BICDL1: variants seen among roughly 807,000 people sequenced by gnomAD.
BICDL1 encodes the protein BICD family like cargo adaptor 1, also known as BICD family-like cargo adapter 1.
BICDL1 carries 20 observed loss-of-function variants against 76.8 expected under a neutral mutation model. That is an observed-to-expected ratio of 0.26 (90% CI 0.18 to 0.38). The LOEUF (loss-of-function observed/expected upper bound fraction) is 0.38. Ranked by LOEUF, BICDL1 falls within the 10% of genes least tolerant of loss-of-function variation. The pLI, the probability that BICDL1 is intolerant of heterozygous loss-of-function variation, is 1.00. For synonymous variants in BICDL1, 383 were observed against 337.1 expected (o/e 1.14, Z -1.49); for missense variants, 700 against 798.6 (o/e 0.88, Z 1.49).
At chr12:120,078,600 G>A (rs913894794) in intron 7 of BICDL1, among the ~76,000 whole-genome samples, 2 of 152,244 alleles carry the variant, frequency 1.3e-5, no homozygotes, top group South Asian at 2.1e-4. Context: ...AATCCTCAAC[G>A]ACAACTTAGT....
chr12:120,053,699 C>T (rs1207576469), intron 2 of BICDL1, among the ~76,000 whole-genome samples: 2 of 152,148 alleles, frequency 1.3e-5, no homozygotes, highest in Non-Finnish European at 2.9e-5. Context: ...GCCTTTTCTC[C>T]AAGGAGCCTT....
At chr12:119,994,165 A>G (rs1329084684) in intron 1 of BICDL1, among the ~76,000 whole-genome samples, 1 of 151,994 alleles carries the variant, frequency 6.6e-6, no homozygotes, top group Non-Finnish European at 1.5e-5. Context: ...CTCTTCCCTC[A>G]GTTATATTTT....
Position 120,013,614 on chromosome 12 carries a change from A to G in BICDL1, c.645+14878A>G, listed in dbSNP as rs535342432. ...GTAGCTGGGATTACAGGTGCCCGCC[A>G]CCACGCCTGGCTAATTTTTGTATTT... is the stretch of plus-strand genomic sequence containing the variant. On this transcript the variant is annotated intron_variant, in intron 2 of 9. Transcript: ENST00000548673. Among the ~76,000 whole-genome samples, 3 of 151,926 alleles carry G rather than the reference A, an allele frequency of 2.0e-5. 1 individual carries two copies. Among genetic ancestry groups the G allele is most frequent in the Non-Finnish European group, 4.4e-5 (3 of 67,990 alleles).
chr12:120,081,047 A>G (rs376080336), intron 8 of BICDL1, 30 bp downstream of exon 8: 8 of 1,606,156 alleles, frequency 5.0e-6, no homozygotes, highest in Non-Finnish European at 6.0e-6. Flanking sequence ...CTTTATTCTT[A>G]AGATAAAGTT....
intron 7 of BICDL1, among the ~76,000 whole-genome samples, chr12:120,080,135 TCA>T (rs1346921800): frequency 1.3e-5 from 2 of 152,220 alleles, no homozygotes; most frequent in Non-Finnish European, 2.9e-5. Flanking sequence ...CTTCCTGCCA[TCA>T]CACAGATCAT....
chr12:120,012,596 G>A (rs2138671883), intron 2 of BICDL1, among the ~76,000 whole-genome samples: 1 of 152,130 alleles, frequency 6.6e-6, no homozygotes. Flanking sequence ...TAACTATGAT[G>A]TCAGAGATGT....
At chr12:119,990,705 T>G (rs1489639228) in intron 1 of BICDL1, among the ~76,000 whole-genome samples, 1 of 152,196 alleles carries the variant, frequency 6.6e-6, no homozygotes, top group East Asian at 1.9e-4. Flanking sequence ...AGCCTTCCAG[T>G]TTGGGCGTTA....
intron 4 of BICDL1, among the ~76,000 whole-genome samples, chr12:120,070,859 G>A (rs1873040629): frequency 6.6e-6 from 1 of 150,432 alleles, no homozygotes; most frequent in Non-Finnish European, 1.5e-5. Context: ...AGCCTCCCGA[G>A]TAGCTGGGAT....
At chr12:120,088,886 A>T (rs150927424) in intron 8 of BICDL1, among the ~76,000 whole-genome samples, 1 of 150,496 alleles carries the variant, frequency 6.6e-6, no homozygotes, top group Non-Finnish European at 1.5e-5. Context: ...GGATGGTCTC[A>T]ATCTCCTGAC....
At chr12:120,040,542 A>G (rs1387504851) in intron 2 of BICDL1, among the ~76,000 whole-genome samples, 1 of 152,026 alleles carries the variant, frequency 6.6e-6, no homozygotes. Flanking sequence ...CAGCCTCCTG[A>G]GTAGCTGAGA....
In BICDL1 at chr12:120,064,852, G is replaced by T; in HGVS notation, c.882G>T (p.Glu294Asp). The T allele has an allele frequency of 6.2e-7, 1 of 1,612,852 alleles. No homozygotes were observed. The highest frequency in any genetic ancestry group is 1.7e-4 in the Middle Eastern group (1 of 6,026). ...EELQDRVLILERQGHDKDLQL... is the reference protein window; with the variant it reads ...EELQDRVLILDRQGHDKDLQL... ...TACAGGACCGGGTGCTAATCCTGGA[G>T]AGGCAGGGCCATGACAAGGACCTAC... Residue 294 changes from glutamate to aspartate, a missense_variant, in exon 4 of 10, where the codon GAG becomes GAT. Glu to Asp is a conservative substitution (Grantham distance 45). Transcript: ENST00000548673.
intron 1 of BICDL1, 37 bp downstream of exon 1, chr12:119,990,334 G>A: frequency 6.5e-7 from 1 of 1,544,254 alleles, no homozygotes; most frequent in Non-Finnish European, 8.7e-7. Context: ...GGGGAGCAGG[G>A]GCCGCCCAGG....
Position 120,093,967 on chromosome 12 carries a change from C to G in BICDL1, c.*806C>G. 2 of 333,482 alleles carry G rather than the reference C, an allele frequency of 6.0e-6. No homozygotes were observed. The highest frequency in any genetic ancestry group is 4.7e-5 in the South Asian group (2 of 42,622). The allele number at this position is 333,482 out of a possible 1,614,324, so 20.7% of individuals were successfully genotyped here. The stretch of plus-strand genomic sequence containing the variant: ...CGGGGTCTCCTCCTCCCACAGCTCC[C>G]TCCTCCACCCCTCACATACATACAT... On this transcript the variant is annotated 3_prime_UTR_variant, in exon 10 of 10. Coordinates refer to ENST00000548673, the MANE Select transcript of BICDL1 (RefSeq NM_001367886.1).
intron 2 of BICDL1, 110 bp from the exon 3 acceptor site, chr12:120,061,599 TC>T (rs1221438693): frequency 1.3e-6 from 1 of 780,488 alleles, no homozygotes; most frequent in African/African-American, 1.7e-5. Context: ...CATCTAGTGC[TC>T]CTTAAAGAAT....
intron 2 of BICDL1, among the ~76,000 whole-genome samples, chr12:120,046,515 C>G (rs1024880626): frequency 6.6e-6 from 1 of 152,200 alleles, no homozygotes; most frequent in Non-Finnish European, 1.5e-5. Context: ...GAGGTAGGTA[C>G]TACTTTCTCC....
chr12:120,053,754 G>T (rs77699792), intron 2 of BICDL1, among the ~76,000 whole-genome samples: 3,526 of 152,282 alleles, frequency 0.023, 146 homozygotes, highest in African/African-American at 0.081. Flanking sequence ...AGATTTGAGT[G>T]CTATGCGTGT....
At chr12:120,015,440 C>T (rs1952041371) in intron 2 of BICDL1, among the ~76,000 whole-genome samples, 1 of 152,186 alleles carries the variant, frequency 6.6e-6, no homozygotes, top group Non-Finnish European at 1.5e-5. Context: ...TCAGTTGCCA[C>T]TTCCTTCATG....
At chr12:120,076,237 A>G (rs1272438083) in intron 7 of BICDL1, among the ~76,000 whole-genome samples, 1 of 152,192 alleles carries the variant, frequency 6.6e-6, no homozygotes, top group Non-Finnish European at 1.5e-5. Flanking sequence ...CCTGAAACCT[A>G]AGTTCTTCAG....
intron 8 of BICDL1, among the ~76,000 whole-genome samples, chr12:120,081,809 G>C (rs968736134): frequency 4.7e-5 from 7 of 150,472 alleles, no homozygotes; most frequent in African/African-American, 1.7e-4. Flanking sequence ...CATATGGTCA[G>C]TGTTATTTCA....
Sources: allele counts gnomAD v4.1 joint callset (sites outside exome capture counted in the v4.1 genomes callset), GRCh38; gene constraint gnomAD v4.1.1; transcripts MANE v1.5; gene names NCBI Gene and HGNC (gene_info 2026-07-23, HGNC 2026-07-21).